NOL4: variants seen among roughly 807,000 people sequenced by gnomAD.
The protein encoded by NOL4 is cancer/testis antigen 125.
Under a neutral mutation model 75.9 loss-of-function variants are expected in NOL4, and 17 were observed. The observed-to-expected ratio is 0.22, with a 90% confidence interval of 0.15 to 0.34. The LOEUF is 0.34. NOL4 is among the 10% of genes least tolerant of loss of function. The pLI is 1.00. For synonymous variants in NOL4, 292 were observed against 289.9 expected (o/e 1.01, Z -0.07); for missense variants, 614 against 793.5 (o/e 0.77, Z 2.72).
At chr18:34,069,231 A>G (rs893997625) in intron 5 of NOL4, among the ~76,000 whole-genome samples, 3 of 152,210 alleles carry the variant, frequency 2.0e-5, no homozygotes, top group African/African-American at 4.8e-5. Context: ...ATGGAGTTGT[A>G]GAAAAAAGTG....
intron 6 of NOL4, among the ~76,000 whole-genome samples, chr18:33,995,912 G>A (rs1355230855): frequency 6.6e-6 from 1 of 151,826 alleles, no homozygotes; most frequent in East Asian, 1.9e-4. Flanking sequence ...TTGTTGGGTG[G>A]AGTAGTCTAT....
intron 1 of NOL4, among the ~76,000 whole-genome samples, chr18:34,135,480 G>A (rs559128444): frequency 2.0e-4 from 30 of 151,850 alleles, no homozygotes; most frequent in South Asian, 4.2e-4. Context: ...GGTGGATCAC[G>A]AGGTCAGAAG....
intron 9 of NOL4, among the ~76,000 whole-genome samples, chr18:33,935,717 A>C (rs1057347529): frequency 6.6e-6 from 1 of 152,148 alleles, no homozygotes; most frequent in Non-Finnish European, 1.5e-5. Context: ...ATTTGTAAAA[A>C]CTGCAATATC....
intron 1 of NOL4, among the ~76,000 whole-genome samples, chr18:34,143,937 G>A (rs1408825468): frequency 1.4e-5 from 2 of 148,146 alleles, no homozygotes; most frequent in Non-Finnish European, 3.0e-5. Context: ...TCATAAATCT[G>A]TCCTGACTTA....
At chr18:34,137,382 T>A (rs1370036514) in intron 1 of NOL4, among the ~76,000 whole-genome samples, 1 of 152,066 alleles carries the variant, frequency 6.6e-6, no homozygotes, top group Non-Finnish European at 1.5e-5. Flanking sequence ...TATTTGGAAA[T>A]CATATACCTA....
chr18:33,960,987 C>T lies in NOL4; in HGVS notation c.1057-2569G>A, dbSNP rs543098271. Reference sequence around the variant, plus strand: ...ATAGAATATATGTATTTTATATGGGCTGGAGCCTATTTAATAATGTTTTGT... The same window carrying T: ...ATAGAATATATGTATTTTATATGGGTTGGAGCCTATTTAATAATGTTTTGT... On this transcript the variant is annotated intron_variant, in intron 6 of 10. Coordinates refer to ENST00000261592, the MANE Select transcript of NOL4 (RefSeq NM_003787.5). 3.3e-4 allele frequency among the ~76,000 whole-genome samples: 50 copies of T among 152,100 alleles called. 1 individual carries two copies. The highest frequency in any genetic ancestry group is 6.8e-3 in the Middle Eastern group (2 of 294).
intron 9 of NOL4, among the ~76,000 whole-genome samples, chr18:33,933,694 A>G (rs766247576): frequency 3.3e-5 from 5 of 152,146 alleles, no homozygotes; most frequent in Non-Finnish European, 5.9e-5. Flanking sequence ...GATTGCAGCA[A>G]TTCAGTCACA....
chr18:34,051,951 G>A (rs2076641377), intron 5 of NOL4, among the ~76,000 whole-genome samples: 1 of 151,920 alleles, frequency 6.6e-6, no homozygotes, highest in East Asian at 1.9e-4. Flanking sequence ...GGCCATAAAA[G>A]AGCCACAAAG....
At chr18:33,929,263 G>A (rs1406998015) in intron 9 of NOL4, among the ~76,000 whole-genome samples, 1 of 152,080 alleles carries the variant, frequency 6.6e-6, no homozygotes, top group Non-Finnish European at 1.5e-5. Context: ...TCCTCCATAA[G>A]AAACTGCTGT....
intron 6 of NOL4, among the ~76,000 whole-genome samples, chr18:34,018,753 GT>G (rs1178610866): frequency 1.3e-5 from 2 of 152,040 alleles, no homozygotes; most frequent in Non-Finnish European, 2.9e-5. Flanking sequence ...TCTGAAATAT[GT>G]TTTTGTCTTT....
At chr18:34,057,557 C>T (rs939945918) in intron 5 of NOL4, among the ~76,000 whole-genome samples, 4 of 152,022 alleles carry the variant, frequency 2.6e-5, no homozygotes, top group Non-Finnish European at 4.4e-5. Flanking sequence ...TCTGCTGTTG[C>T]CCTGAAAGAT....
At chr18:34,119,379 G>C (rs567125540) in intron 2 of NOL4, among the ~76,000 whole-genome samples, 2 of 152,212 alleles carry the variant, frequency 1.3e-5, no homozygotes, top group East Asian at 1.9e-4. Flanking sequence ...CCCTGGTGGA[G>C]GATTCTTATG....
chr18:33,912,435 A>C (rs2066466479), intron 9 of NOL4, among the ~76,000 whole-genome samples: 1 of 152,090 alleles, frequency 6.6e-6, no homozygotes, highest in African/African-American at 2.4e-5. Flanking sequence ...AGGTACATTA[A>C]GTTTTTATTT....
At chr18:33,898,002 T>A (rs1479566221) in intron 9 of NOL4, among the ~76,000 whole-genome samples, 1 of 152,062 alleles carries the variant, frequency 6.6e-6, no homozygotes, top group Non-Finnish European at 1.5e-5. Context: ...CAGCCTTGAC[T>A]TCCTGGGCAA....
chr18:33,922,873 T>C (rs915679470), intron 9 of NOL4, among the ~76,000 whole-genome samples: 2 of 152,200 alleles, frequency 1.3e-5, no homozygotes, highest in East Asian at 1.9e-4. Context: ...AAATGTACTT[T>C]TGATTCTAAA....
intron 2 of NOL4, among the ~76,000 whole-genome samples, chr18:34,122,479 A>G (rs2080188695): frequency 6.6e-6 from 1 of 152,028 alleles, no homozygotes; most frequent in South Asian, 2.1e-4. Context: ...CCCAAAAACA[A>G]CTCCATATTA....
At chr18:34,065,494 C>T (rs929881087) in intron 5 of NOL4, among the ~76,000 whole-genome samples, 1 of 151,890 alleles carries the variant, frequency 6.6e-6, no homozygotes, top group African/African-American at 2.4e-5. Context: ...AAAGTAACTA[C>T]CCAATAATTT....
At chr18:34,045,738 G>A (rs1263197374) in intron 5 of NOL4, among the ~76,000 whole-genome samples, 1 of 152,100 alleles carries the variant, frequency 6.6e-6, no homozygotes, top group Non-Finnish European at 1.5e-5. Context: ...AATAGAAATT[G>A]TTGCTATTTA....
At chr18:34,008,033 G>T (rs1021006018) in intron 6 of NOL4, among the ~76,000 whole-genome samples, 2 of 151,994 alleles carry the variant, frequency 1.3e-5, no homozygotes, top group African/African-American at 4.8e-5. Context: ...ACTGGTCAAA[G>T]AAGAATATCA....
Sources: allele counts gnomAD v4.1 joint callset (sites outside exome capture counted in the v4.1 genomes callset), GRCh38; gene constraint gnomAD v4.1.1; transcripts MANE v1.5; gene names NCBI Gene and HGNC (gene_info 2026-07-23, HGNC 2026-07-21).